The following NEMF variants were observed in gnomAD, a reference collection of about 807,000 sequenced individuals.
NEMF encodes nuclear export mediator factor, also known as ribosome quality control complex subunit NEMF.
NEMF carries 89 observed loss-of-function variants against 162.2 expected under a neutral mutation model. The ratio of observed to expected loss-of-function variants is 0.55; its 90% confidence interval spans 0.46 to 0.65. NEMF has a LOEUF of 0.65. Ranked by LOEUF, NEMF falls within the 30% of genes least tolerant of loss-of-function variation. The probability of loss-of-function intolerance (pLI) is 0.00; values close to 1 mark genes in which losing one functional copy is unlikely to be tolerated. For synonymous variants in NEMF, 421 were observed against 404.5 expected (o/e 1.04, Z -0.49); for missense variants, 1,133 against 1,261.9 (o/e 0.90, Z 1.55).
intron 15 of NEMF, among the ~76,000 whole-genome samples, chr14:49,826,717 T>C (rs1324856874): frequency 2.0e-5 from 3 of 152,126 alleles, no homozygotes; most frequent in Non-Finnish European, 4.4e-5. Flanking sequence ...GATGCAGCAA[T>C]GAACAACACA....
Position 49,789,325 on chromosome 14 carries a change from CTTT to C in NEMF, c.2713_2715del (p.Lys905del), listed in dbSNP as rs752581876. ...TTCTTCCCCTTCTTCCCTTTTTCTT[CTTT>C]GTTTGAACCTGCAGACTTTAATTCA... On this transcript the variant is annotated inframe_deletion, in exon 28 of 33. Coordinates refer to ENST00000298310, the MANE Select transcript of NEMF (RefSeq NM_004713.6). 3.1e-6 allele frequency: 5 copies of C among 1,614,062 alleles called. No individual in the cohort carries two copies. The highest frequency in any genetic ancestry group is 2.2e-5 in the East Asian group (1 of 44,882).
intron 18 of NEMF, among the ~76,000 whole-genome samples, chr14:49,806,508 C>T (rs180796212): frequency 1.1e-3 from 169 of 151,342 alleles, no homozygotes; most frequent in African/African-American, 3.9e-3. Context: ...GATCCACCCA[C>T]CTCGGCCTCC....
chr14:49,800,780 C>G, intron 22 of NEMF, 84 bp from the exon 23 acceptor site: 1 of 1,277,486 alleles, frequency 7.8e-7, no homozygotes. Context: ...AAATATTCCA[C>G]TGTTTCTCCC....
In NEMF at chr14:49,803,275, G is replaced by C; in HGVS notation, c.1877C>G (p.Thr626Ser). ...YHHQVSKTAPTGEYLTTGSFM... is the reference protein window; with the variant it reads ...YHHQVSKTAPSGEYLTTGSFM... ...GCTTCCTGTTGTCAAATATTCTCCA[G>C]TTGGTGCTGTTTTAGATACCTGAAG... Residue 626 changes from threonine to serine, a missense_variant, in exon 20 of 33, where the codon ACT (threonine) becomes AGT (serine). By Grantham distance (58) the Thr-to-Ser change is moderately conservative. This residue lies in a region of NEMF where 532 missense variants were observed against 578.6 expected (regional missense o/e 0.92). Transcript: ENST00000298310. 6.2e-7 allele frequency: 1 copy of C among 1,609,314 alleles called. No individual in the cohort carries two copies.
chr14:49,790,863 C>G (rs1451957954), intron 26 of NEMF, among the ~76,000 whole-genome samples: 1 of 152,030 alleles, frequency 6.6e-6, no homozygotes, highest in Non-Finnish European at 1.5e-5. Flanking sequence ...CGTGGTGGTG[C>G]ATGCCTGTAA....
At chr14:49,844,918 AC>A (rs915385043) in intron 4 of NEMF, 6 of 208,396 alleles carry the variant, frequency 2.9e-5, no homozygotes, top group Non-Finnish European at 6.3e-5. Flanking sequence ...ACAGGCACGC[AC>A]CACCACACCA....
intron 16 of NEMF, among the ~76,000 whole-genome samples, chr14:49,825,552 A>G (rs1297598788): frequency 6.6e-6 from 1 of 152,198 alleles, no homozygotes; most frequent in Non-Finnish European, 1.5e-5. Flanking sequence ...CCTGGGCAAC[A>G]AAGTGAGACC....
chr14:49,806,157 T>C, intron 18 of NEMF, 24 bp from the exon 19 acceptor site: 1 of 1,558,068 alleles, frequency 6.4e-7, no homozygotes, highest in Non-Finnish European at 8.8e-7. Context: ...GCATAATGTT[T>C]CAATACCAAA....
chr14:49,813,952 AG>A (rs1184913917), intron 18 of NEMF, 35 bp downstream of exon 18: 1 of 1,207,548 alleles, frequency 8.3e-7, no homozygotes, highest in East Asian at 2.3e-5. Flanking sequence ...TTTTAAAGAA[AG>A]GAACAGGAAT....
intron 16 of NEMF, among the ~76,000 whole-genome samples, chr14:49,822,850 C>T (rs560465517): frequency 8.6e-5 from 13 of 151,634 alleles, no homozygotes; most frequent in African/African-American, 2.9e-4. Flanking sequence ...GGTCTCCTAT[C>T]AGTATGTGTG....
chr14:49,784,543 A>G lies in NEMF; in HGVS notation c.*93T>C. On this transcript the variant is annotated 3_prime_UTR_variant, in exon 33 of 33. Transcript: ENST00000298310. ...AGGCAATGTTTAGTTCATTTTTATA[A>G]TGCGGAAATCCTGATACATGGTGCT... The G allele has an allele frequency of 1.2e-6, 1 of 839,934 alleles. No homozygotes were observed. The highest frequency in any genetic ancestry group is 1.9e-6 in the Non-Finnish European group (1 of 520,332). 52.0% of individuals were successfully genotyped at this position (839,934 alleles called of 1,614,324 possible).
intron 4 of NEMF, among the ~76,000 whole-genome samples, chr14:49,843,951 T>C (rs756508138): frequency 4.0e-5 from 6 of 151,794 alleles, no homozygotes; most frequent in Non-Finnish European, 7.4e-5. Flanking sequence ...ATACAAAAAT[T>C]AGCTGGGCAT....
intron 28 of NEMF, among the ~76,000 whole-genome samples, chr14:49,788,066 A>G (rs1172947121): frequency 6.6e-5 from 10 of 152,106 alleles, no homozygotes; most frequent in Admixed American, 6.5e-4. Flanking sequence ...ATCACCTGAG[A>G]TCAGGAGTTC....
chr14:49,788,551 T>C (rs1431745279), intron 28 of NEMF, among the ~76,000 whole-genome samples: 1 of 26,184 alleles, frequency 3.8e-5, no homozygotes, highest in East Asian at 3.2e-4. Context: ...CCCAATTTTC[T>C]CTCTCTCTTT....
chr14:49,825,770 T>C, intron 16 of NEMF, 97 bp downstream of exon 16: 1 of 790,252 alleles, frequency 1.3e-6, no homozygotes, highest in Non-Finnish European at 2.0e-6. Context: ...ACTGGTTTTG[T>C]AACAAGCTTT....
rs1376873898 is a variant in NEMF at position 49,832,186 on chromosome 14, G to A, written c.806+21C>T. Reference sequence around the variant, plus strand: ...CATTAACAAACATCCAAAGCAAATTGACCCATGCCTATATGCTTACGTCAG... The same window carrying A: ...CATTAACAAACATCCAAAGCAAATTAACCCATGCCTATATGCTTACGTCAG... On this transcript the variant is annotated intron_variant, in intron 9 of 32. Transcript: ENST00000298310. 1.9e-6 allele frequency: 3 copies of A among 1,599,118 alleles called. No individual in the cohort carries two copies. The Admixed American group carries it at 5.2e-5, about 28-fold the overall frequency.
At position 49,782,421 on chromosome 14, in the gene NEMF, T is replaced by G; in HGVS notation, c.*2215A>C. 6.2e-7 allele frequency: 1 copy of G among 1,612,570 alleles called. No individual in the cohort carries two copies. The highest frequency in any genetic ancestry group is 8.5e-7 in the Non-Finnish European group (1 of 1,178,650). On this transcript the variant is annotated 3_prime_UTR_variant, in exon 33 of 33. Transcript: ENST00000298310. The stretch of plus-strand genomic sequence containing the variant: ...ATGAAGGAGAAGTAATTGTTTTTGG[T>G]GGATGTGCCAACAACTTGCTTGTCC...
chr14:49,813,880 A>G, intron 18 of NEMF, 108 bp downstream of exon 18: 1 of 679,676 alleles, frequency 1.5e-6, no homozygotes, highest in Non-Finnish European at 2.7e-6. Flanking sequence ...CTGGGATTAC[A>G]GGCATGAGCC....
chr14:49,791,175 A>G (rs1483288909), intron 26 of NEMF, among the ~76,000 whole-genome samples: 1 of 151,076 alleles, frequency 6.6e-6, no homozygotes, highest in African/African-American at 2.4e-5. Context: ...TCTGTACTAA[A>G]AATACAAAAA....
Sources: allele counts gnomAD v4.1 joint callset (sites outside exome capture counted in the v4.1 genomes callset), GRCh38; gene constraint gnomAD v4.1.1; regional missense constraint gnomAD v4.1.1; transcripts MANE v1.5; gene names NCBI Gene and HGNC (gene_info 2026-07-23, HGNC 2026-07-21).